Variants in SORCS1 observed in about 807,000 individuals in gnomAD.
SORCS1 encodes the protein sortilin related VPS10 domain containing receptor 1.
In SORCS1, 60 loss-of-function variants were observed where a neutral mutation model predicts 146.1. The ratio of observed to expected loss-of-function variants is 0.41; its 90% CI spans 0.33 to 0.51. The LOEUF is 0.51. Ranked by LOEUF, SORCS1 falls within the 20% of genes least tolerant of loss-of-function variation. The pLI, the probability that SORCS1 is intolerant of heterozygous loss-of-function variation, is 0.21. For missense variants in SORCS1, 1,352 were observed against 1,487.6 expected, an observed-to-expected ratio of 0.91 and a Z score of 1.50; for synonymous variants, 637 against 584.0, an observed-to-expected ratio of 1.09 and a Z score of -1.31.
intron 1 of SORCS1, among the ~76,000 whole-genome samples, chr10:106,967,113 C>A (rs1464530440): frequency 1.5e-4 from 21 of 144,466 alleles, no homozygotes; most frequent in East Asian, 2.0e-4. Context: ...GCTATCCACT[C>A]AAAAAAAAAA....
At chr10:107,007,797 T>G (rs1246635217) in intron 1 of SORCS1, among the ~76,000 whole-genome samples, 5 of 151,992 alleles carry the variant, frequency 3.3e-5, no homozygotes, top group Non-Finnish European at 7.3e-5. Context: ...CACATCCCAT[T>G]GAATACCATG....
At chr10:107,003,564 A>C (rs1957309830) in intron 1 of SORCS1, among the ~76,000 whole-genome samples, 2 of 151,950 alleles carry the variant, frequency 1.3e-5, no homozygotes, top group Admixed American at 1.3e-4. Flanking sequence ...TATTGGATCT[A>C]ATGCATTCTT....
intron 5 of SORCS1, among the ~76,000 whole-genome samples, chr10:106,747,105 A>C (rs1028782378): frequency 6.6e-6 from 1 of 152,234 alleles, no homozygotes; most frequent in African/African-American, 2.4e-5. Context: ...TTCAGCACTC[A>C]TGTAAAACCC....
chr10:106,951,527 A>AAG (rs1278571565), intron 2 of SORCS1, among the ~76,000 whole-genome samples: 22 of 151,720 alleles, frequency 1.5e-4, no homozygotes, highest in Non-Finnish European at 3.1e-4. Context: ...AAAAAAAAAA[A>AAG]AAACGGAACA....
chr10:107,007,972 ATAT>A (rs753731823), intron 1 of SORCS1, among the ~76,000 whole-genome samples: 9 of 151,328 alleles, frequency 5.9e-5, no homozygotes, highest in Non-Finnish European at 1.0e-4. Flanking sequence ...TCCCATGATA[ATAT>A]TATAAAGTGC....
At chr10:106,759,683 A>C (rs1858926901) in intron 5 of SORCS1, among the ~76,000 whole-genome samples, 1 of 152,038 alleles carries the variant, frequency 6.6e-6, no homozygotes, top group Admixed American at 6.6e-5. Context: ...AATTAGGGGG[A>C]TGAACTGAGG....
chr10:106,728,869 C>A (rs1856393560), intron 6 of SORCS1, among the ~76,000 whole-genome samples: 1 of 152,188 alleles, frequency 6.6e-6, no homozygotes, highest in Admixed American at 6.5e-5. Flanking sequence ...CCTCATTGCT[C>A]TGTGGTAATT....
At chr10:107,160,437 T>C (rs1458185365) in intron 1 of SORCS1, among the ~76,000 whole-genome samples, 2 of 152,164 alleles carry the variant, frequency 1.3e-5, no homozygotes, top group African/African-American at 2.4e-5. Flanking sequence ...TTAAGTGAGA[T>C]GATGAATGTA....
intron 24 of SORCS1, among the ~76,000 whole-genome samples, chr10:106,579,743 T>C (rs997454697): frequency 6.6e-6 from 1 of 151,868 alleles, no homozygotes; most frequent in Non-Finnish European, 1.5e-5. Flanking sequence ...TCTAACTAGC[T>C]ATGTGGTCTT....
chr10:106,649,829 G>A (rs2418816), intron 18 of SORCS1, among the ~76,000 whole-genome samples: 36,127 of 151,842 alleles, frequency 0.24, 5,273 homozygotes, highest in East Asian at 0.52. Flanking sequence ...TCTAGATGGC[G>A]TATTTCCTGC....
intron 2 of SORCS1, among the ~76,000 whole-genome samples, chr10:106,909,938 G>T (rs1038988269): frequency 2.0e-5 from 3 of 152,154 alleles, no homozygotes; most frequent in Admixed American, 2.0e-4. Flanking sequence ...CAGTGGGGAA[G>T]AATCCATGTT....
intron 6 of SORCS1, among the ~76,000 whole-genome samples, chr10:106,723,689 C>T (rs553287871): frequency 7.2e-5 from 11 of 152,216 alleles, no homozygotes; most frequent in Non-Finnish European, 1.2e-4. Context: ...AACATCAGTG[C>T]CAACCATAGA....
intron 1 of SORCS1, among the ~76,000 whole-genome samples, chr10:106,981,809 G>C (rs1956256211): frequency 6.6e-6 from 1 of 152,168 alleles, no homozygotes; most frequent in South Asian, 2.1e-4. Flanking sequence ...TTTGTTGTTT[G>C]TTCTTCCTGT....
At chr10:106,611,364 A>AT (rs1478309177) in intron 22 of SORCS1, among the ~76,000 whole-genome samples, 1 of 152,146 alleles carries the variant, frequency 6.6e-6, no homozygotes, top group African/African-American at 2.4e-5. Flanking sequence ...GTGGATAATA[A>AT]TTCCTTTTTG....
chr10:107,111,113 T>C (rs904512425), intron 1 of SORCS1, among the ~76,000 whole-genome samples: 2 of 152,190 alleles, frequency 1.3e-5, no homozygotes, highest in African/African-American at 4.8e-5. Flanking sequence ...CTAGAAGCGG[T>C]ATTTGCTCCT....
At chr10:106,923,790 T>C (rs747487432) in intron 2 of SORCS1, among the ~76,000 whole-genome samples, 5 of 152,260 alleles carry the variant, frequency 3.3e-5, no homozygotes, top group Admixed American at 2.0e-4. Flanking sequence ...TTTTGCCCGT[T>C]TTTGTTTGCT....
intron 1 of SORCS1, among the ~76,000 whole-genome samples, chr10:107,080,321 C>T (rs1264188647): frequency 2.0e-5 from 3 of 152,312 alleles, no homozygotes; most frequent in African/African-American, 4.8e-5. Flanking sequence ...CCCAGAAATA[C>T]TGTCTGCAAC....
At chr10:107,130,179 A>G (rs1458135344) in intron 1 of SORCS1, among the ~76,000 whole-genome samples, 1 of 152,218 alleles carries the variant, frequency 6.6e-6, no homozygotes, top group Non-Finnish European at 1.5e-5. Context: ...TTCTCAGTCA[A>G]ACCACCAATA....
At chr10:106,684,484 G>A (rs1272967862) in intron 10 of SORCS1, among the ~76,000 whole-genome samples, 1 of 152,160 alleles carries the variant, frequency 6.6e-6, no homozygotes, top group Non-Finnish European at 1.5e-5. Context: ...GCCCAATCCT[G>A]AGGCATTGGA....
Sources: allele counts gnomAD v4.1 joint callset (sites outside exome capture counted in the v4.1 genomes callset), GRCh38; gene constraint gnomAD v4.1.1; transcripts MANE v1.5; gene names NCBI Gene and HGNC (gene_info 2026-07-23, HGNC 2026-07-21).